The following UBE3D variants were observed in gnomAD, a reference collection of about 807,000 sequenced individuals.
UBE3D encodes the protein ubiquitin protein ligase E3D, also known as E3 ubiquitin-protein ligase E3D.
UBE3D carries 48 observed loss-of-function variants against 49.6 expected under a neutral mutation model. The observed-to-expected ratio is 0.97, with a 90% CI of 0.77 to 1.23. The LOEUF (loss-of-function observed/expected upper bound fraction) is 1.23. Among genes scored for constraint, UBE3D ranks in the 50% most tolerant of loss-of-function variants. The pLI is 0.00. For missense variants in UBE3D, 452 were observed against 468.4 expected, an observed-to-expected ratio of 0.96 and a Z score of 0.32; for synonymous variants, 189 against 174.2, an observed-to-expected ratio of 1.08 and a Z score of -0.67.
chr6:83,054,333 TAAA>T, intron 2 of UBE3D, 95 bp from the exon 3 acceptor site: 1 of 912,206 alleles, frequency 1.1e-6, no homozygotes, highest in South Asian at 1.4e-5. Flanking sequence ...TTACCATCCA[TAAA>T]CAGTTTATGA....
chr6:82,971,010 C>G (rs971393192), intron 8 of UBE3D, among the ~76,000 whole-genome samples: 3 of 152,116 alleles, frequency 2.0e-5, no homozygotes, highest in African/African-American at 7.2e-5. Context: ...TAGAATCATA[C>G]AACATGTGGC....
chr6:83,038,508 T>C, intron 4 of UBE3D, 23 bp from the exon 5 acceptor site: 1 of 1,581,364 alleles, frequency 6.3e-7, no homozygotes, highest in Non-Finnish European at 8.6e-7. Context: ...AAAATGTCAT[T>C]TAAATGTCAT....
intron 8 of UBE3D, among the ~76,000 whole-genome samples, chr6:83,015,825 C>T (rs774089256): frequency 2.0e-5 from 3 of 152,136 alleles, no homozygotes; most frequent in Non-Finnish European, 2.9e-5. Context: ...TGTATCTTCT[C>T]AGACAAAGGT....
chr6:82,893,549 C>T (rs1771091244), intron 9 of UBE3D, among the ~76,000 whole-genome samples: 1 of 152,174 alleles, frequency 6.6e-6, no homozygotes, highest in Non-Finnish European at 1.5e-5. Flanking sequence ...AAACTATTTT[C>T]AGACTATGTA....
chr6:82,986,354 C>T (rs1035715663), intron 8 of UBE3D, among the ~76,000 whole-genome samples: 2 of 151,058 alleles, frequency 1.3e-5, no homozygotes, highest in African/African-American at 4.9e-5. Context: ...GCCTGTAATC[C>T]GACCTACTCG....
chr6:82,933,053 C>A (rs1003158975), intron 9 of UBE3D, among the ~76,000 whole-genome samples: 8 of 152,016 alleles, frequency 5.3e-5, no homozygotes, highest in African/African-American at 1.9e-4. Context: ...TTCCTGCCAC[C>A]TGACCAAGCA....
In UBE3D at chr6:83,046,675, G is replaced by GGT. The variant is rs1554211647; in HGVS notation, c.366-2017_366-2016insAC. ...GGTTCTAAATTCTTGCAGTTGGCGG[G>GGT]GGGGGTGGGCGGTGGCACCGGGGGA... On this transcript the variant is annotated intron_variant, in intron 3 of 9. Transcript: ENST00000369747. Among the ~76,000 whole-genome samples the GGT allele has an allele frequency of 5.0e-5, 7 of 139,080 alleles. No homozygotes were observed. In the East Asian group the frequency reaches 1.1e-3, roughly 22 times the overall value. 91.2% of individuals were successfully genotyped at this position (139,080 alleles called of 152,430 possible).
At chr6:82,887,407 T>G (rs1207028170), downstream of UBE3D, among the ~76,000 whole-genome samples, 1 of 147,606 alleles carries the variant, frequency 6.8e-6, no homozygotes, top group Non-Finnish European at 1.5e-5. Context: ...TTTTTTTTTT[T>G]TTTTTCAGAA....
At chr6:82,961,254 T>C (rs1776527177) in intron 8 of UBE3D, among the ~76,000 whole-genome samples, 1 of 152,230 alleles carries the variant, frequency 6.6e-6, no homozygotes, top group Admixed American at 6.5e-5. Flanking sequence ...CTTAGTTAAT[T>C]ATGGCTATAA....
chr6:82,980,363 G>A (rs1447040651), intron 8 of UBE3D, among the ~76,000 whole-genome samples: 1 of 151,988 alleles, frequency 6.6e-6, no homozygotes, highest in East Asian at 1.9e-4. Context: ...TCTCATGCTT[G>A]TTGAACATTG....
At chr6:82,977,789 G>T (rs1489274835) in intron 8 of UBE3D, among the ~76,000 whole-genome samples, 1 of 152,098 alleles carries the variant, frequency 6.6e-6, no homozygotes, top group Non-Finnish European at 1.5e-5. Context: ...AGTGAACTGA[G>T]ATTATGCCAT....
chr6:83,059,162 G>A (rs1198427005), intron 1 of UBE3D, among the ~76,000 whole-genome samples: 1 of 152,086 alleles, frequency 6.6e-6, no homozygotes, highest in African/African-American at 2.4e-5. Context: ...TGGGAGGATG[G>A]TTTGAGCCAA....
At chr6:83,065,572 C>T in intron 1 of UBE3D, 70 bp downstream of exon 1, 1 of 1,459,060 alleles carries the variant, frequency 6.9e-7, no homozygotes. Context: ...CAGAGAGAGA[C>T]TCACCAGCCC....
chr6:82,920,554 T>C (rs1323607618), intron 9 of UBE3D, among the ~76,000 whole-genome samples: 1 of 152,208 alleles, frequency 6.6e-6, no homozygotes, highest in African/African-American at 2.4e-5. Flanking sequence ...TTGTGTGACC[T>C]TGGGCAAGTG....
chr6:83,047,949 G>GTTA (rs1783183532), intron 3 of UBE3D, among the ~76,000 whole-genome samples: 1 of 151,846 alleles, frequency 6.6e-6, no homozygotes, highest in South Asian at 2.1e-4. Flanking sequence ...GGGAGTGCTG[G>GTTA]CGGGCACCTG....
intron 9 of UBE3D, among the ~76,000 whole-genome samples, chr6:82,941,995 G>A (rs1026175694): frequency 1.3e-4 from 20 of 152,190 alleles, no homozygotes; most frequent in African/African-American, 4.1e-4. Context: ...TACCCAAAAC[G>A]TGGAAGTGAC....
At chr6:83,047,785 T>C (rs1783168659) in intron 3 of UBE3D, among the ~76,000 whole-genome samples, 2 of 152,166 alleles carry the variant, frequency 1.3e-5, no homozygotes, top group South Asian at 4.1e-4. Context: ...TCAGAAATGT[T>C]CAATAATCTG....
At chr6:82,940,151 T>C (rs1007494775) in intron 9 of UBE3D, among the ~76,000 whole-genome samples, 3 of 152,200 alleles carry the variant, frequency 2.0e-5, no homozygotes, top group African/African-American at 7.2e-5. Context: ...CCTGGCCCCA[T>C]CCTCCACATT....
intron 8 of UBE3D, among the ~76,000 whole-genome samples, chr6:82,959,986 G>A (rs986330128): frequency 7.9e-5 from 12 of 152,266 alleles, no homozygotes; most frequent in Admixed American, 7.2e-4. Flanking sequence ...GGGAAGAAAA[G>A]AGTTGTTCCT....
Sources: gnomAD v4.1 joint callset for allele counts (sites outside exome capture counted in the v4.1 genomes callset) on GRCh38, gnomAD v4.1.1 for gene constraint, MANE v1.5 for transcripts, NCBI Gene and HGNC (gene_info 2026-07-23, HGNC 2026-07-21) for gene names.